Variants in PPFIBP2 observed in about 807,000 individuals in gnomAD.
The protein encoded by PPFIBP2 is PPFIB scaffold protein 2, also known as liprin-beta-2.
A neutral mutation model predicts 118.3 loss-of-function variants in PPFIBP2; 118 were observed. The observed-to-expected ratio is 1.00, with a 90% CI of 0.86 to 1.16. The LOEUF is 1.16. PPFIBP2 is among the 50% of genes most tolerant of loss of function. The probability of loss-of-function intolerance (pLI) is 0.00; values close to 1 mark genes in which losing one functional copy is unlikely to be tolerated. For synonymous variants in PPFIBP2, 414 were observed against 397.4 expected, an observed-to-expected ratio of 1.04 and a Z score of -0.50; for missense variants, 1,195 against 1,073.1, an observed-to-expected ratio of 1.11 and a Z score of -1.59.
At chr11:7,614,680 CAT>C (rs1848436144) in intron 6 of PPFIBP2, among the ~76,000 whole-genome samples, 2 of 152,142 alleles carry the variant, frequency 1.3e-5, no homozygotes, top group African/African-American at 4.8e-5. Flanking sequence ...CTCTCTAGAA[CAT>C]AGAGGTTATA....
intron 1 of PPFIBP2, among the ~76,000 whole-genome samples, chr11:7,525,629 CA>C (rs1564938194): frequency 6.6e-6 from 1 of 152,188 alleles, no homozygotes; most frequent in African/African-American, 2.4e-5. Context: ...AAGCAGCAAA[CA>C]GCGCAGAGTC....
chr11:7,639,766 C>G lies in PPFIBP2; in HGVS notation c.1271C>G (p.Thr424Ser). 6.2e-7 allele frequency: 1 copy of G among 1,614,182 alleles called. No individual in the cohort carries two copies. Residue 424 changes from threonine to serine, a missense_variant, in exon 15 of 24, where the codon ACT becomes AGT. By Grantham distance (58) the Thr-to-Ser change is moderately conservative (BLOSUM62 1). Coordinates refer to ENST00000299492, the MANE Select transcript of PPFIBP2 (RefSeq NM_003621.5). ...TTCTTGGCGGAGCACAAATATCCCA[C>G]TTTACCTGGGAAGCTTTCAGGAGCC... ...SPFLAEHKYP[T>S]LPGKLSGATP...
At chr11:7,607,715 T>C (rs925630153) in intron 5 of PPFIBP2, among the ~76,000 whole-genome samples, 1 of 152,196 alleles carries the variant, frequency 6.6e-6, no homozygotes, top group Non-Finnish European at 1.5e-5. Context: ...ACCTGTGCAC[T>C]TGTTCCTTTT....
chr11:7,650,956 A>C lies in PPFIBP2; in HGVS notation c.2238A>C (p.Gly746=). The change falls in exon 22 of 24, where the codon GGA becomes GGC. Residue 746 remains glycine, a synonymous_variant. Coordinates refer to ENST00000299492, the MANE Select transcript of PPFIBP2 (RefSeq NM_003621.5). ...ATCTTCGAGGGAGTGGAGTCCATGG[A>C]GGCCTCATTGTGAGTGGCTCTCTGG... is the stretch of plus-strand genomic sequence containing the variant. ...APNLRGSGVH[G]GLIILEPRFT... 1 of 1,613,504 alleles carries C rather than the reference A, an allele frequency of 6.2e-7. No homozygotes were observed. Among genetic ancestry groups the C allele is most frequent in the Non-Finnish European group, 8.5e-7 (1 of 1,179,556 alleles).
At chr11:7,664,955 G>C in the PPFIBP2 span, 1 of 159,200 alleles carries the variant, frequency 6.3e-6, no homozygotes, top group African/African-American at 2.4e-5. Context: ...CTTGAGAGTT[G>C]ATGTGACCCC....
chr11:7,617,200 T>G (rs1029155952), intron 6 of PPFIBP2: 50 of 985,312 alleles, frequency 5.1e-5, no homozygotes, highest in Non-Finnish European at 5.8e-5. Context: ...CGCCTGTTAC[T>G]CAGTAGGGAC....
At chr11:7,621,240 T>G (rs1426816102) in intron 7 of PPFIBP2, among the ~76,000 whole-genome samples, 1 of 152,156 alleles carries the variant, frequency 6.6e-6, no homozygotes, top group Non-Finnish European at 1.5e-5. Context: ...ATTGGTCAAT[T>G]GTAGTAACCC....
At chr11:7,650,762 T>A (rs1853869117) in intron 21 of PPFIBP2, 78 bp from the exon 22 acceptor site, 1 of 1,514,534 alleles carries the variant, frequency 6.6e-7, no homozygotes, top group Admixed American at 1.8e-5. Flanking sequence ...CAGGGTTACT[T>A]ACCGGGGCTG....
intron 2 of PPFIBP2, among the ~76,000 whole-genome samples, chr11:7,561,317 C>T (rs1259849092): frequency 1.3e-5 from 2 of 152,208 alleles, no homozygotes; most frequent in Admixed American, 6.5e-5. Flanking sequence ...CTGCCTGCCT[C>T]GGCCTCCCAA....
At chr11:7,653,920 C>T (rs1854438000), downstream of PPFIBP2, among the ~76,000 whole-genome samples, 1 of 152,120 alleles carries the variant, frequency 6.6e-6, no homozygotes, top group Admixed American at 6.5e-5. Context: ...AAGGCGGGAC[C>T]CCCTCCCATA....
intron 17 of PPFIBP2, 107 bp from the exon 18 acceptor site, chr11:7,648,280 T>G: frequency 7.6e-7 from 1 of 1,322,648 alleles, no homozygotes; most frequent in Non-Finnish European, 1.0e-6. Context: ...AAAAACAGGT[T>G]TTTTGTTTTG....
chr11:7,597,377 AG>A (rs1486154672), intron 4 of PPFIBP2, 182 bp from the exon 5 acceptor site: 38 of 1,536,530 alleles, frequency 2.5e-5, no homozygotes, highest in Non-Finnish European at 3.1e-5. Context: ...TGGTAAGGTA[AG>A]AATCTAACTG....
chr11:7,542,718 T>C (rs1197363193), intron 1 of PPFIBP2, among the ~76,000 whole-genome samples: 1 of 152,272 alleles, frequency 6.6e-6, no homozygotes. Context: ...AGGAAGTCTC[T>C]CCCAGAGCTT....
At chr11:7,662,977 A>C in the PPFIBP2 span, among the ~76,000 whole-genome samples, 2 of 137,800 alleles carry the variant, frequency 1.5e-5, no homozygotes, top group Non-Finnish European at 3.3e-5. Context: ...CGTAGTTCTC[A>C]AGCCTTGGTT....
intron 3 of PPFIBP2, among the ~76,000 whole-genome samples, chr11:7,582,387 A>G (rs1857414119): frequency 6.6e-6 from 1 of 152,172 alleles, no homozygotes. Flanking sequence ...CCTGTACATT[A>G]TGTTTCCTGG....
At chr11:7,523,160 C>G (rs1209901401) in intron 1 of PPFIBP2, among the ~76,000 whole-genome samples, 1 of 152,136 alleles carries the variant, frequency 6.6e-6, no homozygotes, top group Non-Finnish European at 1.5e-5. Flanking sequence ...GGAATCTGCA[C>G]TGCTGTCGGG....
chr11:7,537,134 A>C (rs1463963060), intron 1 of PPFIBP2, among the ~76,000 whole-genome samples: 3 of 152,130 alleles, frequency 2.0e-5, no homozygotes, highest in African/African-American at 7.2e-5. Flanking sequence ...AGTGGTTGTC[A>C]TTGCCTAATG....
intron 1 of PPFIBP2, among the ~76,000 whole-genome samples, chr11:7,525,136 C>T (rs373858212): frequency 6.6e-6 from 1 of 152,162 alleles, no homozygotes; most frequent in South Asian, 2.1e-4. Flanking sequence ...GAGGTTTTCT[C>T]CAGCATGAGG....
chr11:7,541,270 G>A (rs1022593578), intron 1 of PPFIBP2, among the ~76,000 whole-genome samples: 7 of 152,220 alleles, frequency 4.6e-5, no homozygotes, highest in African/African-American at 1.7e-4. Context: ...TGAGGACCAC[G>A]AGATAGGTGA....
Sources: allele counts gnomAD v4.1 joint callset (sites outside exome capture counted in the v4.1 genomes callset), GRCh38; gene constraint gnomAD v4.1.1; transcripts MANE v1.5; gene names NCBI Gene and HGNC (gene_info 2026-07-23, HGNC 2026-07-21).